Variants in CNOT1 observed in about 807,000 individuals in gnomAD.
The protein encoded by CNOT1 is CCR4-associated factor 1.
A neutral mutation model predicts 273.8 loss-of-function variants in CNOT1; 15 were observed. The ratio of observed to expected loss-of-function variants is 0.05; its 90% CI spans 0.04 to 0.08. The LOEUF is 0.08. Ranked by LOEUF, CNOT1 falls within the 10% of genes least tolerant of loss-of-function variation. CNOT1 has a pLI of 1.00. For synonymous variants in CNOT1, 1,022 were observed against 1,005.5 expected (o/e 1.02, Z -0.31); for missense variants, 1,644 against 2,912.2 (o/e 0.56, Z 10.02).
At chr16:58,558,438 T>A (rs372605043) in intron 18 of CNOT1, 35 bp downstream of exon 18, 7 of 1,611,770 alleles carry the variant, frequency 4.3e-6, no homozygotes, top group African/African-American at 2.7e-5. Context: ...GGCAAACTTA[T>A]GAATAATCCA....
intron 19 of CNOT1, among the ~76,000 whole-genome samples, chr16:58,556,493 G>A (rs926053881): frequency 6.6e-5 from 10 of 152,016 alleles, no homozygotes; most frequent in African/African-American, 2.4e-4. Context: ...ACAAAAATTG[G>A]AAACAGAAAT....
chr16:58,621,045 A>T (rs1243208049), intron 1 of CNOT1, among the ~76,000 whole-genome samples: 1 of 151,732 alleles, frequency 6.6e-6, no homozygotes, highest in Non-Finnish European at 1.5e-5. Context: ...TTTGAGACAG[A>T]GTCTGTCACC....
intron 24 of CNOT1, among the ~76,000 whole-genome samples, chr16:58,550,495 T>C (rs1480802061): frequency 1.3e-5 from 2 of 152,208 alleles, no homozygotes; most frequent in Admixed American, 1.3e-4. Context: ...TTTTCTTCCT[T>C]ATAATTTTCC....
chr16:58,579,060 G>A, intron 12 of CNOT1, 121 bp from the exon 13 acceptor site: 1 of 1,460,626 alleles, frequency 6.8e-7, no homozygotes, highest in Non-Finnish European at 9.0e-7. Flanking sequence ...TTTAATATTA[G>A]AAGTTTGAAG....
chr16:58,551,519 T>C (rs995719662), intron 23 of CNOT1, 70 bp downstream of exon 23: 3 of 1,504,870 alleles, frequency 2.0e-6, no homozygotes, highest in Admixed American at 1.8e-5. Flanking sequence ...AAAATTCTAA[T>C]ACATGTTCAC....
At chr16:58,614,091 CAAAA>C (rs377347672) in intron 1 of CNOT1, among the ~76,000 whole-genome samples, 1 of 51,956 alleles carries the variant, frequency 1.9e-5, no homozygotes. Flanking sequence ...GACACTGTCT[CAAAA>C]AAAAAAAAAA....
chr16:58,574,642 G>C lies in CNOT1; in HGVS notation c.1946C>G (p.Ala649Gly). ...AGCTTGCAGACAGGCCAACATTGTC[G>C]CCAAAGTTTCTGGAGGAAGTTGAGC... ...KSAQLPPETL[A>G]TMLACLQACA... Residue 649 changes from alanine to glycine, a missense_variant, in exon 16 of 49, where the codon GCG becomes GGG. Ala to Gly is a moderately conservative substitution (Grantham distance 60). Transcript: ENST00000317147. 1 of 1,600,600 alleles carries C rather than the reference G, an allele frequency of 6.2e-7. No individual in the cohort carries two copies. Among genetic ancestry groups the C allele is most frequent in the Non-Finnish European group, 8.5e-7 (1 of 1,177,302 alleles).
intron 1 of CNOT1, among the ~76,000 whole-genome samples, chr16:58,610,838 G>A (rs552074806): frequency 7.9e-5 from 12 of 151,564 alleles, no homozygotes; most frequent in Admixed American, 5.9e-4. Context: ...GTGAGACTCC[G>A]TCTCAAAAAA....
chr16:58,546,187 G>A, intron 29 of CNOT1, 134 bp downstream of exon 29: 1 of 735,208 alleles, frequency 1.4e-6, no homozygotes. Flanking sequence ...TAATTAGAAG[G>A]CTCACCAAAA....
At chr16:58,598,277 A>T (rs1311126184) in intron 2 of CNOT1, among the ~76,000 whole-genome samples, 1 of 152,016 alleles carries the variant, frequency 6.6e-6, no homozygotes, top group East Asian at 1.9e-4. Context: ...GTGTGCCTAT[A>T]ATCCCAGCTA....
Position 58,519,971 on chromosome 16 carries a change from G to C in CNOT1, c.*987C>G, listed in dbSNP as rs2039306128. 6.6e-6 allele frequency: 1 copy of C among 152,186 alleles called. No individual in the cohort carries two copies. Among genetic ancestry groups the C allele is most frequent in the African/African-American group, 2.4e-5 (1 of 41,426 alleles). 9.4% of individuals were successfully genotyped at this position (152,186 alleles called of 1,614,324 possible). A position where few individuals can be genotyped will look rare whatever the true frequency, so the allele number is the denominator to read the frequency against. The stretch of plus-strand genomic sequence containing the variant: ...TCATGTGTGTGTCATGACTTTAATG[G>C]TTAGCTACAGTATGCATACACATAC... On this transcript the variant is annotated 3_prime_UTR_variant, in exon 49 of 49. Transcript: ENST00000317147.
chr16:58,555,841 G>A lies in CNOT1; in HGVS notation c.2547C>T (p.Asn849=). ...GATTATATATTCGCTGGAAATAGCT[G>A]TTTGCTTCATCATCTATCTCTTTAC... The part of the protein sequence containing the change: ...HFSKEIDDEA[N]SYFQRIYNHP... Residue 849 remains asparagine, a synonymous_variant, in exon 20 of 49, where the codon AAC becomes AAT. Coordinates refer to ENST00000317147, the MANE Select transcript of CNOT1 (RefSeq NM_016284.5). 2 of 1,613,968 alleles carry A rather than the reference G, an allele frequency of 1.2e-6. No individual in the cohort carries two copies. Among genetic ancestry groups the A allele is most frequent in the Non-Finnish European group, 1.7e-6 (2 of 1,180,010 alleles).
In CNOT1 at chr16:58,543,628, G is replaced by C; in HGVS notation, c.4413C>G (p.Asn1471Lys). The C allele has an allele frequency of 1.2e-6, 2 of 1,614,170 alleles. No individual in the cohort carries two copies. Among genetic ancestry groups the C allele is most frequent in the South Asian group, 2.2e-5 (2 of 91,086 alleles). The change falls in exon 31 of 49, where the codon AAC becomes AAG. Residue 1471 changes from asparagine (N) to lysine (K), a missense_variant. This residue lies in a region of CNOT1 where 133 missense variants were observed against 230.4 expected (regional missense o/e 0.58). Transcript: ENST00000317147. ...LLMSISTNLK[N>K]SFASALRTAS... Reference sequence around the variant, plus strand: ...TTACACGAAGGGCTGAGGCAAAACTGTTTTTTAAGTTGGTAGATATGCTCA... The same window carrying C: ...TTACACGAAGGGCTGAGGCAAAACTCTTTTTTAAGTTGGTAGATATGCTCA...
chr16:58,593,364 G>A (rs890366343), intron 2 of CNOT1, among the ~76,000 whole-genome samples: 3 of 151,542 alleles, frequency 2.0e-5, no homozygotes, highest in South Asian at 2.1e-4. Flanking sequence ...GTTCGAGACC[G>A]GCCTGACCAA....
At chr16:58,594,173 G>C in intron 2 of CNOT1, among the ~76,000 whole-genome samples, 1 of 152,190 alleles carries the variant, frequency 6.6e-6, no homozygotes. Flanking sequence ...GAACCCGGGA[G>C]GCGGAGGTTG....
intron 22 of CNOT1, among the ~76,000 whole-genome samples, chr16:58,552,096 G>A (rs28613241): frequency 0.044 from 6,729 of 152,054 alleles, 479 homozygotes; most frequent in African/African-American, 0.15. Flanking sequence ...CTTTAAAAAC[G>A]CAAACTTTAA....
intron 34 of CNOT1, 120 bp downstream of exon 34, chr16:58,541,381 T>C (rs1021119643): frequency 2.1e-6 from 3 of 1,441,124 alleles, no homozygotes; most frequent in African/African-American, 2.9e-5. Flanking sequence ...ACTCAAAAAC[T>C]ATAGGTGTTT....
chr16:58,558,109 G>A (rs2040701453), intron 18 of CNOT1, among the ~76,000 whole-genome samples: 1 of 152,142 alleles, frequency 6.6e-6, no homozygotes, highest in African/African-American at 2.4e-5. Flanking sequence ...GAACCTGATA[G>A]GTACAATAGT....
intron 44 of CNOT1, chr16:58,527,857 TG>T (rs2039649303): frequency 8.6e-6 from 2 of 232,298 alleles, no homozygotes; most frequent in Admixed American, 1.1e-4. Context: ...GGCTCACACC[TG>T]TAATCCCAGC....
Sources: gnomAD v4.1 joint callset for allele counts (sites outside exome capture counted in the v4.1 genomes callset) on GRCh38, gnomAD v4.1.1 for gene constraint, gnomAD v4.1.1 regional missense constraint, MANE v1.5 for transcripts, NCBI Gene and HGNC (gene_info 2026-07-23, HGNC 2026-07-21) for gene names.